LPCAT3: variants seen among roughly 807,000 people sequenced by gnomAD.
The protein encoded by LPCAT3 is lysophospholipid acyltransferase 5.
In LPCAT3, 21 loss-of-function variants were observed where a neutral mutation model predicts 63.4. That is an observed-to-expected ratio of 0.33 (90% CI 0.23 to 0.48). LPCAT3 has a LOEUF of 0.48. Among genes scored for constraint, LPCAT3 ranks in the 20% least tolerant of loss-of-function variants. The pLI is 0.99. For synonymous variants in LPCAT3, 242 were observed against 227.5 expected, an observed-to-expected ratio of 1.06 and a Z score of -0.58; for missense variants, 451 against 590.6, an observed-to-expected ratio of 0.76 and a Z score of 2.45.
At chr12:7,004,646 T>G (rs1204024238) in intron 1 of LPCAT3, among the ~76,000 whole-genome samples, 3 of 152,244 alleles carry the variant, frequency 2.0e-5, no homozygotes, top group Admixed American at 6.5e-5. Flanking sequence ...TATACACACA[T>G]ACCCAGGGTC....
At chr12:7,001,992 T>A (rs142245394) in intron 1 of LPCAT3, among the ~76,000 whole-genome samples, 101 of 152,224 alleles carry the variant, frequency 6.6e-4, no homozygotes, top group African/African-American at 2.2e-3. Flanking sequence ...TAGAGCTACG[T>A]ATTTTAGATG....
chr12:6,983,374 G>T, intron 2 of LPCAT3, 58 bp downstream of exon 2: 1 of 1,206,220 alleles, frequency 8.3e-7, no homozygotes, highest in Non-Finnish European at 1.2e-6. Flanking sequence ...TTTTGTTCAA[G>T]TCTGTTCCTT....
Position 6,977,134 on chromosome 12 carries a change from C to G in LPCAT3, c.*12G>C, listed in dbSNP as rs60709620. 1.9e-6 allele frequency: 3 copies of G among 1,547,322 alleles called. No individual in the cohort carries two copies. The East Asian group carries it at 6.8e-5, about 35-fold the overall frequency. On this transcript the variant is annotated splice_region_variant and 3_prime_UTR_variant, in exon 12 of 13. Transcript: ENST00000261407. This position sits in a 1 kb window ranked among gnomAD's most constrained non-coding sequence, Gnocchi z 4.5. The stretch of plus-strand genomic sequence containing the variant: ...TTTTAGTTTAGCTGTATTAACTTAC[C>G]AGGGAAATGGATTATTCCATCTTCT...
rs1479013549 is a variant in LPCAT3 at position 6,978,100 on chromosome 12, G to A, written c.1040+241C>T. 4.6e-5 allele frequency: 26 copies of A among 567,848 alleles called. No homozygotes were observed. The Admixed American group carries it at 7.6e-4, about 17-fold the overall frequency. 35.2% of individuals were successfully genotyped at this position (567,848 alleles called of 1,614,324 possible). ...GGCAGTGGAGGACATAAGTCCATTGGCAGAGCTGGAGTAACACCCAGGTCT... is the reference window on the plus strand; with the variant it reads ...GGCAGTGGAGGACATAAGTCCATTGACAGAGCTGGAGTAACACCCAGGTCT... On this transcript the variant is annotated intron_variant, in intron 9 of 12. Transcript: ENST00000261407.
Position 7,016,025 on chromosome 12 carries a change from TG to T in LPCAT3, c.151+2248del, listed in dbSNP as rs759437625. Among the ~76,000 whole-genome samples, 232 of 152,282 alleles carry T rather than the reference TG, an allele frequency of 1.5e-3. 2 individuals are homozygous for T. In the Middle Eastern group the frequency reaches 0.024, roughly 16 times the overall value. ...CATTTAACAGATTGCCCCTTATAAC[TG>T]GTTGCTACTTGTGTTACATTCTGAA... is the stretch of plus-strand genomic sequence containing the variant. On this transcript the variant is annotated intron_variant, in intron 1 of 12. Transcript: ENST00000261407.
intron 1 of LPCAT3, among the ~76,000 whole-genome samples, chr12:6,988,547 G>A (rs943511500): frequency 1.3e-5 from 2 of 152,252 alleles, no homozygotes; most frequent in Admixed American, 6.5e-5. Flanking sequence ...ATGCTTTTTT[G>A]TGGGAGCCAA....
intron 5 of LPCAT3, 53 bp downstream of exon 5, chr12:6,981,542 T>C: frequency 6.3e-7 from 1 of 1,585,996 alleles, no homozygotes; most frequent in South Asian, 1.1e-5. Flanking sequence ...TAACAACTTT[T>C]TTCTTCCCTT....
rs1029391847 is a variant in LPCAT3 at position 6,987,281 on chromosome 12, C to T, written c.152-3742G>A. Among the ~76,000 whole-genome samples the T allele has an allele frequency of 1.9e-4, 29 of 152,078 alleles. No homozygotes were observed. The highest frequency in any genetic ancestry group is 7.0e-4 in the African/African-American group (29 of 41,382). ...TGTTTAGTAAATGCCTGCTATATGC[C>T]AGGTATTCTGTTTATGAAGCACGTA... On this transcript the variant is annotated intron_variant, in intron 1 of 12. Transcript: ENST00000261407. The surrounding 1 kb of genome is among the most constrained non-coding windows in gnomAD (Gnocchi z 4.1).
chr12:7,002,128 A>C (rs782150681), intron 1 of LPCAT3, among the ~76,000 whole-genome samples: 2 of 152,274 alleles, frequency 1.3e-5, no homozygotes, highest in Non-Finnish European at 2.9e-5. Flanking sequence ...CCAGGCCAGG[A>C]CAGGACTCAG....
rs782562293 is a variant in LPCAT3 at position 6,977,577 on chromosome 12, AC to A, written c.1188+20del. 6.2e-7 allele frequency: 1 copy of A among 1,613,762 alleles called. No homozygotes were observed. Among genetic ancestry groups the A allele is most frequent in the Non-Finnish European group, 8.5e-7 (1 of 1,179,932 alleles). On this transcript the variant is annotated intron_variant, in intron 10 of 12. Transcript: ENST00000261407. This position sits in a 1 kb window ranked among gnomAD's most constrained non-coding sequence, Gnocchi z 4.5. ...CATCTTGTCCCTTATATTCCCCTTC[AC>A]CCCCACCCTGGAGGCCTACCTGTCT...
intron 8 of LPCAT3, 36 bp from the exon 9 acceptor site, chr12:6,978,543 TC>T (rs781868648): frequency 8.1e-6 from 13 of 1,612,258 alleles, no homozygotes; most frequent in Non-Finnish European, 5.9e-6. Flanking sequence ...CTCTTGCCAC[TC>T]CCCATACTGG....
rs143800410 is a variant in LPCAT3, at chr12:6,990,831, C to T, written c.152-7292G>A. Among the ~76,000 whole-genome samples the T allele has an allele frequency of 9.5e-3, 1,408 of 148,640 alleles. 17 individuals are homozygous for T. The highest frequency in any genetic ancestry group is 0.033 in the African/African-American group (1,335 of 40,218). ...ACTTGGGAGGCTGAGGCAGGAGAAT[C>T]GCTTGAACCCAGGAGGTGGGGGTTG... On this transcript the variant is annotated intron_variant, in intron 1 of 12. Transcript: ENST00000261407.
chr12:6,988,354 G>A (rs1946549270), intron 1 of LPCAT3: 1 of 152,316 alleles, frequency 6.6e-6, no homozygotes, highest in Non-Finnish European at 1.5e-5. Context: ...CGTGGAGAAG[G>A]AAGAACTGTG....
Position 6,977,848 on chromosome 12 carries a change from G to A in LPCAT3, c.1041-103C>T, listed in dbSNP as rs1946425647. On this transcript the variant is annotated intron_variant, in intron 9 of 12. Coordinates refer to ENST00000261407, the MANE Select transcript of LPCAT3 (RefSeq NM_005768.6). The surrounding 1 kb of genome is among the most constrained non-coding windows in gnomAD (Gnocchi z 4.5). ...CTGAGGATTGGATTGGAGTGCTGGT[G>A]GGTTCCCACGTGTAGCCCCCAGAGG... 24 of 1,389,564 alleles carry A rather than the reference G, an allele frequency of 1.7e-5. No homozygotes were observed. The highest frequency in any genetic ancestry group is 2.4e-5 in the Non-Finnish European group (24 of 993,110). 86.1% of individuals were successfully genotyped at this position (1,389,564 alleles called of 1,614,324 possible).
intron 1 of LPCAT3, among the ~76,000 whole-genome samples, chr12:7,011,162 G>A (rs781995223): frequency 1.3e-5 from 2 of 152,156 alleles, no homozygotes; most frequent in East Asian, 3.9e-4. Flanking sequence ...AGCCTCCCAA[G>A]CAGCAGGGAC....
At chr12:6,991,488 A>G (rs1946590177) in intron 1 of LPCAT3, among the ~76,000 whole-genome samples, 1 of 152,250 alleles carries the variant, frequency 6.6e-6, no homozygotes, top group Non-Finnish European at 1.5e-5. Flanking sequence ...ATTAGAATAC[A>G]TATCAAAAAA....
intron 1 of LPCAT3, among the ~76,000 whole-genome samples, chr12:6,985,656 A>G (rs1440588658): frequency 1.3e-5 from 2 of 152,034 alleles, no homozygotes; most frequent in East Asian, 3.9e-4. Context: ...CAGAGTTTGC[A>G]GTGAGCTGAG....
In LPCAT3 at chr12:6,978,665, T is replaced by C; in HGVS notation, c.811A>G (p.Met271Val). Residue 271 changes from methionine (M) to valine (V), a missense_variant, in exon 8 of 13, where the codon ATG (methionine) becomes GTG (valine). Transcript: ENST00000261407. ...AACTTGCCCCAGATCAGCATGTACA[T>C]GCAGCGGAACCAGAAGGGGTGGTTC... Reference protein sequence around the residue: ...YDNHPFWFRCMYMLIWGKFVL... With the variant: ...YDNHPFWFRCVYMLIWGKFVL... The C allele has an allele frequency of 1.2e-6, 2 of 1,614,180 alleles. No homozygotes were observed. Among genetic ancestry groups the C allele is most frequent in the South Asian group, 1.1e-5 (1 of 91,082 alleles).
At chr12:7,003,832 G>C (rs1555156701) in intron 1 of LPCAT3, among the ~76,000 whole-genome samples, 1 of 149,504 alleles carries the variant, frequency 6.7e-6, no homozygotes, top group African/African-American at 2.5e-5. Context: ...TGAGGCAGGA[G>C]AATGGCGTGA....
Sources: gnomAD v4.1 joint callset for allele counts (sites outside exome capture counted in the v4.1 genomes callset) on GRCh38, gnomAD v4.1.1 for gene constraint, Gnocchi (gnomAD v3.1) non-coding constraint, MANE v1.5 for transcripts, NCBI Gene and HGNC (gene_info 2026-07-23, HGNC 2026-07-21) for gene names.